CORO1C: variants seen among roughly 807,000 people sequenced by gnomAD.
The protein encoded by CORO1C is coronin-1C.
Under a neutral mutation model 51.2 loss-of-function variants are expected in CORO1C, and 14 were observed. That is an observed-to-expected ratio of 0.27 (90% CI 0.18 to 0.43). The LOEUF is 0.43. CORO1C is among the 20% of genes least tolerant of loss of function. CORO1C has a pLI of 1.00. For missense variants in CORO1C, 417 were observed against 607.8 expected (o/e 0.69, Z 3.30); for synonymous variants, 181 against 210.5 (o/e 0.86, Z 1.21).
intron 2 of CORO1C, among the ~76,000 whole-genome samples, chr12:108,699,593 G>A (rs2034800769): frequency 1.3e-5 from 2 of 152,162 alleles, no homozygotes; most frequent in African/African-American, 4.8e-5. Context: ...CCAGTAAAAT[G>A]TCAAGTTTCC....
intron 4 of CORO1C, among the ~76,000 whole-genome samples, chr12:108,659,316 C>A (rs2033157454): frequency 1.3e-5 from 2 of 152,178 alleles, no homozygotes; most frequent in African/African-American, 4.8e-5. Context: ...AAACAAGCAT[C>A]AGGGTGTTGC....
intron 1 of CORO1C, among the ~76,000 whole-genome samples, chr12:108,724,196 T>C (rs1262534721): frequency 6.6e-6 from 1 of 152,174 alleles, no homozygotes; most frequent in Non-Finnish European, 1.5e-5. Flanking sequence ...ACTGTGGTGA[T>C]TAACTGAAGA....
Position 108,658,780 on chromosome 12 carries a change from C to T in CORO1C, c.588G>A (p.Lys196=), listed in dbSNP as rs574251737. 18 of 1,612,994 alleles carry T rather than the reference C, an allele frequency of 1.1e-5. No homozygotes were observed. The African/African-American group carries it at 1.9e-4, about 17-fold the overall frequency. Residue 196 remains lysine (K), a synonymous_variant, in exon 5 of 11, where the codon AAG becomes AAA. Transcript: ENST00000261401. This position sits in a 1 kb window ranked among gnomAD's most constrained non-coding sequence, Gnocchi z 4.9. ...GSLICTASKD[K]KVRVIDPRKQ... is the part of the protein sequence containing the mutation. ...TCCTGGGATCAATGACTCTCACTTT[C>T]TTGTCTTTGGAAGCTGTGCAGATCA...
chr12:108,721,914 GA>G (rs1168203040), intron 1 of CORO1C, among the ~76,000 whole-genome samples: 2 of 150,362 alleles, frequency 1.3e-5, no homozygotes, highest in Admixed American at 1.3e-4. Context: ...TTCCCAAATG[GA>G]AAAGAAAAAA....
chr12:108,651,884 G>A (rs1414274557), intron 8 of CORO1C, among the ~76,000 whole-genome samples: 1 of 152,088 alleles, frequency 6.6e-6, no homozygotes, highest in Non-Finnish European at 1.5e-5. Flanking sequence ...GATGTGCCGG[G>A]TGTGGTGGTG....
At chr12:108,713,583 G>C (rs1004002991) in intron 1 of CORO1C, among the ~76,000 whole-genome samples, 5 of 152,166 alleles carry the variant, frequency 3.3e-5, no homozygotes, top group African/African-American at 7.2e-5. Context: ...AAGCCTCCAG[G>C]CTCGGGCCTC....
chr12:108,671,449 C>T (rs2033716261), intron 3 of CORO1C, among the ~76,000 whole-genome samples: 1 of 136,800 alleles, frequency 7.3e-6, no homozygotes, highest in Admixed American at 7.3e-5. Flanking sequence ...TAAAGAAAAC[C>T]AAAGCAAAGG....
In CORO1C at chr12:108,652,855, T is replaced by C. The variant is rs1233078989; in HGVS notation, c.856-438A>G. Among the ~76,000 whole-genome samples the C allele has an allele frequency of 2.1e-4, 6 of 27,964 alleles. No individual in the cohort carries two copies. In the East Asian group the frequency reaches 0.2, roughly 932 times the overall value. 18.3% of individuals were successfully genotyped at this position (27,964 alleles called of 152,430 possible). A position where few individuals can be genotyped will look rare whatever the true frequency, so the allele number is the denominator to read the frequency against. On this transcript the variant is annotated intron_variant, in intron 7 of 10. Coordinates refer to ENST00000261401, the MANE Select transcript of CORO1C (RefSeq NM_014325.4). ...ATAACGCAATGCTGTTATGCCAGTATGATGATAAAAAGTGAGATTTTTCTA... is the reference window on the plus strand; with the variant it reads ...ATAACGCAATGCTGTTATGCCAGTACGATGATAAAAAGTGAGATTTTTCTA...
intron 2 of CORO1C, among the ~76,000 whole-genome samples, chr12:108,686,267 C>G (rs1165633063): frequency 6.6e-6 from 1 of 152,202 alleles, no homozygotes; most frequent in Non-Finnish European, 1.5e-5. Flanking sequence ...AGAAAGACAT[C>G]CACCACATGT....
chr12:108,729,240 C>T (rs555116572), intron 1 of CORO1C, among the ~76,000 whole-genome samples: 26 of 152,160 alleles, frequency 1.7e-4, no homozygotes, highest in African/African-American at 6.3e-4. Flanking sequence ...TCAAAAAATC[C>T]AACGGTGTTT....
At chr12:108,728,726 C>T (rs2035647673) in intron 1 of CORO1C, among the ~76,000 whole-genome samples, 1 of 152,032 alleles carries the variant, frequency 6.6e-6, no homozygotes, top group Non-Finnish European at 1.5e-5. Flanking sequence ...CAAAGAAAAC[C>T]CAGAGAGATT....
At chr12:108,652,185 G>T in intron 8 of CORO1C, 87 bp downstream of exon 8, 6 of 1,168,472 alleles carry the variant, frequency 5.1e-6, no homozygotes, top group East Asian at 3.0e-5. Context: ...AGATATTTTT[G>T]AGATCTGAAG....
intron 1 of CORO1C, among the ~76,000 whole-genome samples, chr12:108,710,744 A>C (rs966127878): frequency 1.3e-5 from 2 of 151,890 alleles, no homozygotes; most frequent in Non-Finnish European, 2.9e-5. Context: ...TTGTATTTTT[A>C]GTAGAGATGG....
At chr12:108,677,557 A>C (rs1174339738) in intron 3 of CORO1C, among the ~76,000 whole-genome samples, 1 of 152,198 alleles carries the variant, frequency 6.6e-6, no homozygotes. Context: ...TATCTGCATA[A>C]CTTTGGCATC....
At chr12:108,695,874 AAC>A (rs1491332438) in intron 2 of CORO1C, among the ~76,000 whole-genome samples, 5 of 151,750 alleles carry the variant, frequency 3.3e-5, no homozygotes, top group Non-Finnish European at 7.4e-5. Context: ...AAAAAAAAAA[AAC>A]AGTCTTTCAA....
At chr12:108,728,612 C>A (rs912333453) in intron 1 of CORO1C, among the ~76,000 whole-genome samples, 1 of 152,082 alleles carries the variant, frequency 6.6e-6, no homozygotes, top group African/African-American at 2.4e-5. Flanking sequence ...CTCAATGAAG[C>A]TGTTATAAAA....
At chr12:108,685,118 TTAATTACATAC>T (rs1306424330) in intron 2 of CORO1C, among the ~76,000 whole-genome samples, 1 of 152,242 alleles carries the variant, frequency 6.6e-6, no homozygotes, top group Non-Finnish European at 1.5e-5. Flanking sequence ...CTAGTTGTTC[TTAATTACATAC>T]TAAGAAGCTT....
chr12:108,648,117 C>T (rs1009789797), intron 10 of CORO1C, among the ~76,000 whole-genome samples: 3 of 152,160 alleles, frequency 2.0e-5, no homozygotes, highest in African/African-American at 7.2e-5. Flanking sequence ...CTAAATCCCC[C>T]TTGTTGCCAG....
intron 1 of CORO1C, among the ~76,000 whole-genome samples, chr12:108,711,933 T>G (rs1443234436): frequency 6.6e-6 from 1 of 152,148 alleles, no homozygotes; most frequent in East Asian, 1.9e-4. Flanking sequence ...ATGGTTCATA[T>G]GAAAGGAAAC....
Sources: allele counts gnomAD v4.1 joint callset (sites outside exome capture counted in the v4.1 genomes callset), GRCh38; gene constraint gnomAD v4.1.1; non-coding constraint Gnocchi (gnomAD v3.1); transcripts MANE v1.5; gene names NCBI Gene and HGNC (gene_info 2026-07-23, HGNC 2026-07-21).